CELF2: variants seen among roughly 807,000 people sequenced by gnomAD.
The protein encoded by CELF2 is CUG triplet repeat RNA-binding protein 2.
A neutral mutation model predicts 62.6 loss-of-function variants in CELF2; 8 were observed. The observed-to-expected ratio is 0.13, with a 90% CI of 0.07 to 0.23. CELF2 has a LOEUF of 0.23. Ranked by LOEUF, CELF2 falls within the 10% of genes least tolerant of loss-of-function variation. The probability of loss-of-function intolerance (pLI) is 1.00; values close to 1 mark genes in which losing one functional copy is unlikely to be tolerated. For missense variants in CELF2, 333 were observed against 671.0 expected, an observed-to-expected ratio of 0.50 and a Z score of 5.56; for synonymous variants, 258 against 250.0, an observed-to-expected ratio of 1.03 and a Z score of -0.30.
At chr10:10,531,976 A>G in the CELF2 span, among the ~76,000 whole-genome samples, 6 of 152,194 alleles carry the variant, frequency 3.9e-5, no homozygotes, top group African/African-American at 1.2e-4. Context: ...GAGAAAAACA[A>G]TAAGTAGAGG....
intron 1 of CELF2, among the ~76,000 whole-genome samples, chr10:10,830,932 T>A (rs1369839613): frequency 6.6e-6 from 1 of 152,224 alleles, no homozygotes. Flanking sequence ...AAACAATAGA[T>A]GACACCATAT....
the CELF2 span, among the ~76,000 whole-genome samples, chr10:10,688,480 T>A: frequency 2.6e-5 from 4 of 152,154 alleles, no homozygotes; most frequent in Non-Finnish European, 4.4e-5. Context: ...GACTCCCAAA[T>A]TCATAAGTAT....
the CELF2 span, among the ~76,000 whole-genome samples, chr10:10,513,434 A>G: frequency 6.6e-6 from 1 of 152,200 alleles, no homozygotes. Flanking sequence ...TTTAAAAAGG[A>G]AAATGAAGGC....
chr10:10,886,576 C>T (rs1474937898), intron 1 of CELF2, among the ~76,000 whole-genome samples: 2 of 152,208 alleles, frequency 1.3e-5, no homozygotes, highest in Non-Finnish European at 2.9e-5. Context: ...GGGACTCATG[C>T]CTGTAATCCC....
chr10:10,643,359 C>T, the CELF2 span, among the ~76,000 whole-genome samples: 10 of 152,074 alleles, frequency 6.6e-5, no homozygotes, highest in South Asian at 2.1e-4. Flanking sequence ...GTAAGTCTCA[C>T]GAGATCTGAT....
chr10:10,648,069 T>C, the CELF2 span, among the ~76,000 whole-genome samples: 1 of 152,176 alleles, frequency 6.6e-6, no homozygotes, highest in Non-Finnish European at 1.5e-5. Flanking sequence ...AAATTTCCAG[T>C]TGTGCTATCC....
At chr10:11,240,029 G>A (rs1455678801) in intron 3 of CELF2, among the ~76,000 whole-genome samples, 4 of 152,170 alleles carry the variant, frequency 2.6e-5, no homozygotes, top group African/African-American at 4.8e-5. Flanking sequence ...TACAGCCTGG[G>A]CAACAAGAGC....
the CELF2 span, among the ~76,000 whole-genome samples, chr10:10,563,384 G>A: frequency 6.6e-6 from 1 of 152,112 alleles, no homozygotes; most frequent in African/African-American, 2.4e-5. Context: ...GCCGAGGTGA[G>A]TGGATCACTT....
chr10:11,140,148 A>C (rs2061093989), intron 1 of CELF2, among the ~76,000 whole-genome samples: 1 of 123,944 alleles, frequency 8.1e-6, no homozygotes, highest in Non-Finnish European at 1.9e-5. Context: ...TTTGCCTTAA[A>C]AGAAATCTGG....
chr10:11,289,278 T>C (rs1421826426), intron 9 of CELF2, among the ~76,000 whole-genome samples: 1 of 152,222 alleles, frequency 6.6e-6, no homozygotes, highest in Non-Finnish European at 1.5e-5. Context: ...TTCTGTTACA[T>C]GAAGGAGATG....
At chr10:10,816,892 A>C (rs2056509022) in intron 1 of CELF2, among the ~76,000 whole-genome samples, 1 of 152,236 alleles carries the variant, frequency 6.6e-6, no homozygotes, top group South Asian at 2.1e-4. Context: ...TTGTATATGA[A>C]AGATAAAATA....
chr10:10,785,678 C>A, the CELF2 span, among the ~76,000 whole-genome samples: 1 of 152,136 alleles, frequency 6.6e-6, no homozygotes, highest in Non-Finnish European at 1.5e-5. Flanking sequence ...AAAAAAATAT[C>A]TCTTAGAAGC....
Position 10,997,354 on chromosome 10 carries a change from A to G in CELF2, c.89+77355A>G, listed in dbSNP as rs958603780. Among the ~76,000 whole-genome samples, 1 of 152,202 alleles carries G rather than the reference A, an allele frequency of 6.6e-6. No homozygotes were observed. Among genetic ancestry groups the G allele is most frequent in the Non-Finnish European group, 1.5e-5 (1 of 68,034 alleles). On this transcript the variant is annotated intron_variant, in intron 2 of 13. Transcript: ENST00000636488. The surrounding 1 kb of genome is among the most constrained non-coding windows in gnomAD (Gnocchi z 5.3). Reference sequence around the variant, plus strand: ...CTATGGATGTGTTATGAGAATTTCAAACTCATCTTTCCTAGACCATCTGGG... The same window carrying G: ...CTATGGATGTGTTATGAGAATTTCAGACTCATCTTTCCTAGACCATCTGGG...
the CELF2 span, among the ~76,000 whole-genome samples, chr10:10,677,549 G>A: frequency 1.3e-5 from 2 of 152,206 alleles, no homozygotes; most frequent in African/African-American, 4.8e-5. Flanking sequence ...TGTCTCTAGA[G>A]TGGGACCCAG....
At chr10:11,168,053 A>C (rs1382546560) in intron 2 of CELF2, among the ~76,000 whole-genome samples, 5 of 152,186 alleles carry the variant, frequency 3.3e-5, no homozygotes, top group Admixed American at 1.3e-4. Flanking sequence ...GGTCAGGGGC[A>C]GTCTCCTTTA....
At chr10:10,632,954 C>T in the CELF2 span, among the ~76,000 whole-genome samples, 1 of 152,182 alleles carries the variant, frequency 6.6e-6, no homozygotes, top group Non-Finnish European at 1.5e-5. Flanking sequence ...TCTTGTAGCT[C>T]ACTTCATATC....
the CELF2 span, among the ~76,000 whole-genome samples, chr10:10,524,478 T>A: frequency 6.6e-6 from 1 of 151,222 alleles, no homozygotes; most frequent in Non-Finnish European, 1.5e-5. Context: ...GATTGAGTTA[T>A]GGGGACTGTG....
the CELF2 span, among the ~76,000 whole-genome samples, chr10:10,577,116 C>T: frequency 1.3e-5 from 2 of 152,086 alleles, no homozygotes; most frequent in Non-Finnish European, 2.9e-5. Context: ...AAGATAGAGG[C>T]CCTGAAGCAA....
At chr10:11,184,641 G>A (rs185512257) in intron 2 of CELF2, among the ~76,000 whole-genome samples, 1 of 152,222 alleles carries the variant, frequency 6.6e-6, no homozygotes, top group African/African-American at 2.4e-5. Flanking sequence ...ATCCCTAGGT[G>A]TTTTATATTT....
Sources: allele counts gnomAD v4.1 joint callset (sites outside exome capture counted in the v4.1 genomes callset), GRCh38; gene constraint gnomAD v4.1.1; non-coding constraint Gnocchi (gnomAD v3.1); transcripts MANE v1.5; gene names NCBI Gene and HGNC (gene_info 2026-07-23, HGNC 2026-07-21).